Variants in RASSF3 observed in about 807,000 individuals in gnomAD.
RASSF3 encodes the protein Ras association domain family member 3, also known as ras association domain-containing protein 3.
In RASSF3, 19 loss-of-function variants were observed where a neutral mutation model predicts 19.9. The ratio of observed to expected loss-of-function variants is 0.96; its 90% CI spans 0.67 to 1.40. The LOEUF (loss-of-function observed/expected upper bound fraction) is 1.40. RASSF3 is among the 40% of genes most tolerant of loss of function. The pLI, the probability that RASSF3 is intolerant of heterozygous loss-of-function variation, is 0.00. For synonymous variants in RASSF3, 110 were observed against 104.2 expected, an observed-to-expected ratio of 1.06 and a Z score of -0.34; for missense variants, 306 against 289.8, an observed-to-expected ratio of 1.06 and a Z score of -0.41.
intron 2 of RASSF3, among the ~76,000 whole-genome samples, chr12:64,586,692 G>A (rs564730574): frequency 6.6e-6 from 1 of 152,054 alleles, no homozygotes; most frequent in South Asian, 2.1e-4. Flanking sequence ...GGAGGCCGAG[G>A]CAGGCAGATC....
chr12:64,625,871 T>C (rs1033267921), intron 1 of RASSF3, among the ~76,000 whole-genome samples: 1 of 152,192 alleles, frequency 6.6e-6, no homozygotes, highest in African/African-American at 2.4e-5. Context: ...CAATGAGTCA[T>C]GTGATCTGCT....
rs144708984 is a variant in RASSF3 at position 64,616,505 on chromosome 12, A to T, written c.111+5762A>T. Among the ~76,000 whole-genome samples the T allele has an allele frequency of 3.3e-5, 5 of 152,312 alleles. No individual in the cohort carries two copies. The East Asian group carries it at 9.6e-4, about 29-fold the overall frequency. On this transcript the variant is annotated intron_variant, in intron 1 of 4. Coordinates refer to ENST00000542104, the MANE Select transcript of RASSF3 (RefSeq NM_178169.4). ...ATTTTCCACCCCCAAGTCTCCAAGC[A>T]TAAGTAGCTGTCTTTCAATAAAGGC...
intron 2 of RASSF3, among the ~76,000 whole-genome samples, chr12:64,585,807 C>T (rs950116655): frequency 5.9e-5 from 9 of 151,924 alleles, no homozygotes; most frequent in African/African-American, 1.2e-4. Flanking sequence ...GGTCTCACCA[C>T]GTTGTCCAGG....
intron 1 of RASSF3, among the ~76,000 whole-genome samples, chr12:64,610,955 G>C (rs558985025): frequency 6.6e-6 from 1 of 151,862 alleles, no homozygotes; most frequent in East Asian, 2.0e-4. Flanking sequence ...GAGGAAGGGC[G>C]GGGAGGCTGA....
upstream of RASSF3, among the ~76,000 whole-genome samples, chr12:64,610,179 G>A (rs1267243134): frequency 6.6e-6 from 1 of 152,202 alleles, no homozygotes; most frequent in East Asian, 1.9e-4. Context: ...GGCTGGGGGC[G>A]GGCGGACGGC....
intron 1 of RASSF3, among the ~76,000 whole-genome samples, chr12:64,652,359 C>CT (rs767904259): frequency 1.2e-4 from 18 of 150,654 alleles, no homozygotes; most frequent in Admixed American, 3.3e-4. Context: ...GGTGTTTGGG[C>CT]TTTTTTTTTA....
intron 2 of RASSF3, among the ~76,000 whole-genome samples, chr12:64,571,029 C>A (rs2136130143): frequency 6.6e-6 from 1 of 152,130 alleles, no homozygotes; most frequent in East Asian, 1.9e-4. Flanking sequence ...ACTAGCCTGG[C>A]CAACATGGTG....
intron 1 of RASSF3, among the ~76,000 whole-genome samples, chr12:64,623,531 G>A (rs750777607): frequency 2.6e-5 from 4 of 152,196 alleles, no homozygotes; most frequent in African/African-American, 4.8e-5. Context: ...ACAATATTAC[G>A]TTTGTCCATT....
intron 1 of RASSF3, among the ~76,000 whole-genome samples, chr12:64,537,044 G>A (rs1219189941): frequency 1.3e-5 from 2 of 152,066 alleles, no homozygotes; most frequent in African/African-American, 4.8e-5. Context: ...ACTTCTCTAC[G>A]GCACATCACA....
chr12:64,645,280 G>A (rs1014595238), intron 1 of RASSF3, among the ~76,000 whole-genome samples: 1 of 152,142 alleles, frequency 6.6e-6, no homozygotes, highest in Non-Finnish European at 1.5e-5. Context: ...TTGAATATGT[G>A]TATCATCACA....
intron 3 of RASSF3, 26 bp from the exon 4 acceptor site, chr12:64,691,443 TA>T: frequency 6.8e-7 from 1 of 1,475,926 alleles, no homozygotes; most frequent in Non-Finnish European, 9.5e-7. Context: ...GAATACTCTG[TA>T]ACATGCTGCT....
chr12:64,665,386 C>G (rs1329145949), intron 1 of RASSF3, among the ~76,000 whole-genome samples: 1 of 152,112 alleles, frequency 6.6e-6, no homozygotes, highest in East Asian at 1.9e-4. Context: ...TTGAAAGTCT[C>G]CAGTCAGATT....
At chr12:64,585,601 C>CTT (rs35374871) in intron 2 of RASSF3, among the ~76,000 whole-genome samples, 25 of 96,250 alleles carry the variant, frequency 2.6e-4, no homozygotes, top group Admixed American at 8.1e-4. Flanking sequence ...TAGGCAAGTC[C>CTT]TTTTTTTTTT....
chr12:64,671,265 C>T (rs888419763), intron 1 of RASSF3, among the ~76,000 whole-genome samples: 3 of 152,146 alleles, frequency 2.0e-5, no homozygotes, highest in African/African-American at 4.8e-5. Flanking sequence ...TCAGGCAGTA[C>T]GTGAACCCTC....
At chr12:64,513,261 A>G (rs556175217) in intron 1 of RASSF3, among the ~76,000 whole-genome samples, 1 of 152,146 alleles carries the variant, frequency 6.6e-6, no homozygotes, top group East Asian at 1.9e-4. Flanking sequence ...CCTGGCTAAC[A>G]TGGCAAAACC....
At position 64,547,817 on chromosome 12, in the gene RASSF3, T is replaced by G. The variant is rs370793229; in HGVS notation, c.294+6112T>G. 4.7e-4 allele frequency among the ~76,000 whole-genome samples: 71 copies of G among 152,296 alleles called. No homozygotes were observed. The East Asian group carries it at 7.1e-3, about 15-fold the overall frequency. On this transcript the variant is annotated intron_variant, in intron 2 of 5. Transcript: ENST00000637125. ...AATTCCTGTTGTATTGCATATATTT[T>G]TGTGATTATAAAAACAATGCATGAT...
intron 2 of RASSF3, among the ~76,000 whole-genome samples, chr12:64,564,021 CGT>C (rs1330259897): frequency 6.6e-6 from 1 of 152,162 alleles, no homozygotes; most frequent in Non-Finnish European, 1.5e-5. Context: ...TTCTCAACAA[CGT>C]GTGTGTTACA....
downstream of RASSF3, among the ~76,000 whole-genome samples, chr12:64,544,191 C>T (rs55699923): frequency 6.2e-3 from 949 of 152,214 alleles, 4 homozygotes; most frequent in South Asian, 0.013. Context: ...AAACGCTCAT[C>T]GCGAAGGTCT....
At chr12:64,602,465 C>T (rs1592414133) in intron 2 of RASSF3, among the ~76,000 whole-genome samples, 1 of 151,568 alleles carries the variant, frequency 6.6e-6, no homozygotes, top group African/African-American at 2.4e-5. Context: ...CCTGTAGTCC[C>T]AGCTACTCTG....
Sources: gnomAD v4.1 joint callset for allele counts (sites outside exome capture counted in the v4.1 genomes callset) on GRCh38, gnomAD v4.1.1 for gene constraint, MANE v1.5 for transcripts, NCBI Gene and HGNC (gene_info 2026-07-23, HGNC 2026-07-21) for gene names.